CACNA1D: variants seen among roughly 807,000 people sequenced by gnomAD.
The protein encoded by CACNA1D is voltage-dependent L-type calcium channel subunit alpha-1D.
Under a neutral mutation model 257.1 loss-of-function variants are expected in CACNA1D, and 55 were observed. The ratio of observed to expected loss-of-function variants is 0.21; its 90% CI spans 0.17 to 0.27. CACNA1D has a LOEUF of 0.27. Among genes scored for constraint, CACNA1D ranks in the 10% least tolerant of loss-of-function variants. The probability of loss-of-function intolerance (pLI) is 1.00; values close to 1 mark genes in which losing one functional copy is unlikely to be tolerated. For missense variants in CACNA1D, 1,876 were observed against 2,784.0 expected, an observed-to-expected ratio of 0.67 and a Z score of 7.34; for synonymous variants, 980 against 1,014.9, an observed-to-expected ratio of 0.97 and a Z score of 0.65.
chr3:53,761,905 G>T (rs2095305003), intron 29 of CACNA1D, 93 bp from the exon 30 acceptor site: 1 of 872,160 alleles, frequency 1.1e-6, no homozygotes, highest in East Asian at 2.4e-5. Flanking sequence ...GGTGCCATGG[G>T]TGCGGCAGGG....
At chr3:53,692,555 A>G (rs151151382) in intron 8 of CACNA1D, among the ~76,000 whole-genome samples, 252 of 151,928 alleles carry the variant, frequency 1.7e-3, no homozygotes, top group African/African-American at 5.8e-3. Context: ...TCCCTACCGC[A>G]CTCTCCTGCT....
chr3:53,809,510 T>C (rs1012032860), intron 46 of CACNA1D: 2 of 232,634 alleles, frequency 8.6e-6, no homozygotes, highest in African/African-American at 4.5e-5. Flanking sequence ...GACCGGGGCT[T>C]GTACCCAGTG....
rs2095385307 is a variant in CACNA1D, at chr3:53,774,478, G to A, written c.4111-109G>A. Reference sequence around the variant, plus strand: ...ATGAGTGAAGTGCCAGGTACCATGAGAAAACCCTAGCTGGTAAAGATCAAA... The same window carrying A: ...ATGAGTGAAGTGCCAGGTACCATGAAAAAACCCTAGCTGGTAAAGATCAAA... On this transcript the variant is annotated intron_variant, in intron 33 of 47. Coordinates refer to ENST00000350061, the MANE Select transcript of CACNA1D (RefSeq NM_001128840.3). The surrounding 1 kb of genome is among the most constrained non-coding windows in gnomAD (Gnocchi z 4.3). The A allele has an allele frequency of 2.7e-6, 2 of 746,488 alleles. No individual in the cohort carries two copies. The highest frequency in any genetic ancestry group is 2.5e-5 in the East Asian group (1 of 40,184). 46.2% of individuals were successfully genotyped at this position (746,488 alleles called of 1,614,324 possible).
At chr3:53,623,870 G>C (rs2093727083) in intron 3 of CACNA1D, among the ~76,000 whole-genome samples, 1 of 152,210 alleles carries the variant, frequency 6.6e-6, no homozygotes, top group Non-Finnish European at 1.5e-5. Context: ...TTCACTCTCT[G>C]TTAATTTGGA....
Position 53,752,543 on chromosome 3 carries a change from G to A in CACNA1D, c.3675+636G>A, listed in dbSNP as rs540833624. ...GCATTCTGAGTAGCTACGATTACAG[G>A]CATATGCCACCATGCCCAGCTAATT... is the stretch of plus-strand genomic sequence containing the variant. On this transcript the variant is annotated intron_variant, in intron 28 of 47. Coordinates refer to ENST00000350061, the MANE Select transcript of CACNA1D (RefSeq NM_001128840.3). Among the ~76,000 whole-genome samples, 6 of 152,300 alleles carry A rather than the reference G, an allele frequency of 3.9e-5. No individual in the cohort carries two copies. In the South Asian group the frequency reaches 1.2e-3, roughly 32 times the overall value.
At chr3:53,641,343 C>T (rs1044285885) in intron 3 of CACNA1D, among the ~76,000 whole-genome samples, 2 of 152,140 alleles carry the variant, frequency 1.3e-5, no homozygotes, top group African/African-American at 4.8e-5. Context: ...AAAGGAGACT[C>T]CTAGTACTCT....
At chr3:53,614,656 CAG>C (rs1181421380) in intron 3 of CACNA1D, among the ~76,000 whole-genome samples, 1 of 152,218 alleles carries the variant, frequency 6.6e-6, no homozygotes. Context: ...AACAAGCAAA[CAG>C]GGTGTACTTG....
At chr3:53,548,373 A>ATTTTTTTTTTTTTTT (rs1278474628) in intron 3 of CACNA1D, among the ~76,000 whole-genome samples, 6 of 127,468 alleles carry the variant, frequency 4.7e-5, no homozygotes, top group Non-Finnish European at 6.5e-5. Context: ...TTTTTTTTTA[A>ATTTTTTTTTTTTTTT]AAATTATCTT....
intron 3 of CACNA1D, among the ~76,000 whole-genome samples, chr3:53,532,933 C>CT (rs1472261690): frequency 6.6e-6 from 1 of 152,102 alleles, no homozygotes; most frequent in East Asian, 1.9e-4. Flanking sequence ...CTGAACATGC[C>CT]TAGGGTCATG....
chr3:53,695,006 C>T (rs762998988), intron 8 of CACNA1D, among the ~76,000 whole-genome samples: 7 of 152,164 alleles, frequency 4.6e-5, no homozygotes, highest in Non-Finnish European at 8.8e-5. Flanking sequence ...ATTGTTCTGT[C>T]GTCAGAGCGC....
At chr3:53,716,583 GT>G (rs55688562) in intron 9 of CACNA1D, among the ~76,000 whole-genome samples, 104,369 of 151,440 alleles carry the variant, frequency 0.69, 36,477 homozygotes, top group East Asian at 1. Context: ...TTTTTGTCCA[GT>G]TTTTTTTGTT....
chr3:53,802,053 C>T, intron 42 of CACNA1D, 94 bp from the exon 43 acceptor site: 3 of 1,111,976 alleles, frequency 2.7e-6, no homozygotes, highest in African/African-American at 1.5e-5. Flanking sequence ...CTAACCCCTA[C>T]TCTAGGAGGT....
intron 3 of CACNA1D, among the ~76,000 whole-genome samples, chr3:53,547,674 C>A (rs975261394): frequency 5.3e-5 from 8 of 152,140 alleles, no homozygotes; most frequent in African/African-American, 1.9e-4. Flanking sequence ...CGAGGAGGCA[C>A]ATTTTGAACC....
At chr3:53,762,542 C>T in intron 30 of CACNA1D, 1 of 457,244 alleles carries the variant, frequency 2.2e-6, no homozygotes, top group South Asian at 1.6e-5. Flanking sequence ...TGAATGCTTG[C>T]CCTAACAGCA....
intron 9 of CACNA1D, among the ~76,000 whole-genome samples, chr3:53,713,138 C>T (rs1312356761): frequency 6.6e-6 from 1 of 152,226 alleles, no homozygotes; most frequent in Non-Finnish European, 1.5e-5. Context: ...GCCCTCCCCT[C>T]CTTGCAGAGC....
In CACNA1D at chr3:53,673,666, T is replaced by C; in HGVS notation, c.1220+540T>C. The C allele has an allele frequency of 7.1e-7, 1 of 1,410,012 alleles. No individual in the cohort carries two copies. The highest frequency in any genetic ancestry group is 1.0e-6 in the Non-Finnish European group (1 of 993,564). 87.3% of individuals were successfully genotyped at this position (1,410,012 alleles called of 1,614,324 possible). Reference sequence around the variant, plus strand: ...TTGGCAGCTGCAACTGGGGCTCTGCTCTTTAGTAAATGGATAACTGATAAC... The same window carrying C: ...TTGGCAGCTGCAACTGGGGCTCTGCCCTTTAGTAAATGGATAACTGATAAC... On this transcript the variant is annotated intron_variant, in intron 8 of 47. Coordinates refer to ENST00000350061, the MANE Select transcript of CACNA1D (RefSeq NM_001128840.3). The surrounding 1 kb of genome is among the most constrained non-coding windows in gnomAD (Gnocchi z 4.1).
chr3:53,605,029 T>C (rs1463201460), intron 3 of CACNA1D, among the ~76,000 whole-genome samples: 2 of 152,210 alleles, frequency 1.3e-5, no homozygotes, highest in Non-Finnish European at 2.9e-5. Context: ...AAGGTGCACT[T>C]ATGTGTGTAT....
chr3:53,738,565 G>A (rs2108802764), intron 20 of CACNA1D, among the ~76,000 whole-genome samples: 1 of 152,286 alleles, frequency 6.6e-6, no homozygotes, highest in East Asian at 1.9e-4. Context: ...GATTCGCATT[G>A]ACAAGGGATT....
chr3:53,783,612 T>C (rs2095437488), intron 39 of CACNA1D, among the ~76,000 whole-genome samples: 1 of 152,204 alleles, frequency 6.6e-6, no homozygotes, highest in South Asian at 2.1e-4. Context: ...GTGCAGGGCT[T>C]ATCCGGGCTG....
Sources: allele counts gnomAD v4.1 joint callset (sites outside exome capture counted in the v4.1 genomes callset), GRCh38; gene constraint gnomAD v4.1.1; non-coding constraint Gnocchi (gnomAD v3.1); transcripts MANE v1.5; gene names NCBI Gene and HGNC (gene_info 2026-07-23, HGNC 2026-07-21).